The following TAFA5 variants were observed in gnomAD, a reference collection of about 807,000 sequenced individuals.
TAFA5 encodes the protein chemokine-like protein TAFA-5.
A neutral mutation model predicts 15.3 loss-of-function variants in TAFA5; 6 were observed. The ratio of observed to expected loss-of-function variants is 0.39; its 90% confidence interval spans 0.21 to 0.77. TAFA5 has a LOEUF of 0.77. Ranked by LOEUF, TAFA5 falls within the 30% of genes least tolerant of loss-of-function variation. The pLI is 0.41. For synonymous variants in TAFA5, 103 were observed against 80.7 expected, an observed-to-expected ratio of 1.28 and a Z score of -1.48; for missense variants, 161 against 193.1, an observed-to-expected ratio of 0.83 and a Z score of 0.98.
intron 2 of TAFA5, among the ~76,000 whole-genome samples, chr22:48,647,024 G>C (rs1926893241): frequency 1.3e-5 from 2 of 152,180 alleles, no homozygotes; most frequent in African/African-American, 4.8e-5. Flanking sequence ...GCCCAAGGCT[G>C]TGGTTCTCTG....
At chr22:48,610,848 A>G (rs1427030376) in intron 1 of TAFA5, among the ~76,000 whole-genome samples, 1 of 152,008 alleles carries the variant, frequency 6.6e-6, no homozygotes, top group African/African-American at 2.4e-5. Context: ...CCCCTCCCAG[A>G]CTGTGGTGGG....
chr22:48,559,272 C>T (rs574815013), intron 1 of TAFA5, among the ~76,000 whole-genome samples: 38 of 152,322 alleles, frequency 2.5e-4, no homozygotes, highest in African/African-American at 7.9e-4. Flanking sequence ...GGACCCATGG[C>T]GGTCGGGGCT....
intron 3 of TAFA5, among the ~76,000 whole-genome samples, chr22:48,727,854 T>C (rs1419487100): frequency 6.6e-6 from 1 of 152,236 alleles, no homozygotes; most frequent in Non-Finnish European, 1.5e-5. Context: ...GTTTATGCCT[T>C]ACAGTTCAGA....
intron 2 of TAFA5, among the ~76,000 whole-genome samples, chr22:48,680,461 G>T (rs1928146561): frequency 6.8e-6 from 1 of 147,782 alleles, no homozygotes; most frequent in African/African-American, 2.5e-5. Flanking sequence ...CCCACAGCAG[G>T]AGAGAAGGGC....
At chr22:48,618,977 G>A (rs540019704) in intron 1 of TAFA5, among the ~76,000 whole-genome samples, 5 of 152,304 alleles carry the variant, frequency 3.3e-5, no homozygotes, top group African/African-American at 1.2e-4. Context: ...TGAATGTCAG[G>A]GGTTGTTAGA....
rs1289358483 is a variant in TAFA5 at position 48,489,850 on chromosome 22, C to T, written c.112+146C>T. 4.5e-6 allele frequency: 2 copies of T among 439,836 alleles called. No homozygotes were observed. Among genetic ancestry groups the T allele is most frequent in the Non-Finnish European group, 7.7e-6 (2 of 258,160 alleles). The allele number at this position is 439,836 out of a possible 1,614,324, so 27.2% of individuals were successfully genotyped here. On this transcript the variant is annotated intron_variant, in intron 1 of 3. Coordinates refer to ENST00000402357, the MANE Select transcript of TAFA5 (RefSeq NM_001082967.3). The surrounding 1 kb of genome is among the most constrained non-coding windows in gnomAD (Gnocchi z 5.5). ...ATGGTCCCCCGAGTCCCGGCCGGTC[C>T]AACGCTGCGCTGGGCGGGCGAGAGG...
At chr22:48,613,239 A>G (rs1474249051) in intron 1 of TAFA5, among the ~76,000 whole-genome samples, 1 of 152,106 alleles carries the variant, frequency 6.6e-6, no homozygotes, top group Admixed American at 6.5e-5. Flanking sequence ...TCTTCAACAC[A>G]GGTCCTTTCA....
At position 48,707,394 on chromosome 22, in the gene TAFA5, A is replaced by G. The variant is rs549363315; in HGVS notation, c.263-323A>G. ...CTTCTGGCTCTCAAGTGGATTCCAGACAAGAGACAGTGAGGCAGCCACACT... is the reference window on the plus strand; with the variant it reads ...CTTCTGGCTCTCAAGTGGATTCCAGGCAAGAGACAGTGAGGCAGCCACACT... On this transcript the variant is annotated intron_variant, in intron 2 of 3. Coordinates refer to ENST00000402357, the MANE Select transcript of TAFA5 (RefSeq NM_001082967.3). Among the ~76,000 whole-genome samples the G allele has an allele frequency of 1.6e-3, 244 of 152,272 alleles. 2 individuals carry two copies. Among genetic ancestry groups the G allele is most frequent in the Non-Finnish European group, 2.4e-3 (160 of 68,018 alleles).
intron 1 of TAFA5, among the ~76,000 whole-genome samples, chr22:48,644,787 G>A (rs867869751): frequency 6.6e-6 from 1 of 152,168 alleles, no homozygotes; most frequent in Non-Finnish European, 1.5e-5. Context: ...GAGAGCACCC[G>A]GGCATTGCCT....
intron 1 of TAFA5, among the ~76,000 whole-genome samples, chr22:48,601,367 C>T (rs542644452): frequency 1.3e-5 from 2 of 151,836 alleles, no homozygotes; most frequent in Non-Finnish European, 2.9e-5. Flanking sequence ...GCTCTTGTTG[C>T]CCAGACTGGA....
At chr22:48,491,865 G>A (rs2147090646) in intron 1 of TAFA5, among the ~76,000 whole-genome samples, 1 of 152,316 alleles carries the variant, frequency 6.6e-6, no homozygotes, top group Non-Finnish European at 1.5e-5. Context: ...CCTCCCCAGC[G>A]TTCTGGAAAC....
At position 48,750,269 on chromosome 22, in the gene TAFA5, G is replaced by T; in HGVS notation, c.*422G>T. 4.2e-6 allele frequency: 1 copy of T among 238,826 alleles called. No individual in the cohort carries two copies. 14.8% of individuals were successfully genotyped at this position (238,826 alleles called of 1,614,324 possible). A position where few individuals can be genotyped will look rare whatever the true frequency, so the allele number is the denominator to read the frequency against. Reference sequence around the variant, plus strand: ...AGGCACAGAAGCGGCCTCCTCCCGTGCCCCAGACTGTCCGAATTGCTTTTA... The same window carrying T: ...AGGCACAGAAGCGGCCTCCTCCCGTTCCCCAGACTGTCCGAATTGCTTTTA... On this transcript the variant is annotated 3_prime_UTR_variant, in exon 4 of 4. Coordinates refer to ENST00000402357, the MANE Select transcript of TAFA5 (RefSeq NM_001082967.3).
At chr22:48,524,287 T>G (rs553695556) in intron 1 of TAFA5, among the ~76,000 whole-genome samples, 2 of 152,308 alleles carry the variant, frequency 1.3e-5, no homozygotes, top group South Asian at 4.1e-4. Context: ...TCTGCTGGGC[T>G]GCGCCTTTGG....
intron 1 of TAFA5, among the ~76,000 whole-genome samples, chr22:48,610,303 C>T (rs773406566): frequency 1.3e-5 from 2 of 152,220 alleles, no homozygotes; most frequent in Non-Finnish European, 2.9e-5. Context: ...TTGCCCGTTG[C>T]TCGTGATTCT....
At chr22:48,749,679 T>G (rs955576135) in intron 3 of TAFA5, among the ~76,000 whole-genome samples, 160 bp from the exon 4 acceptor site, 5 of 152,084 alleles carry the variant, frequency 3.3e-5, no homozygotes, top group African/African-American at 1.2e-4. Flanking sequence ...CACTGTCTGG[T>G]GGCCTGGATG....
At position 48,657,411 on chromosome 22, in the gene TAFA5, A is replaced by G. The variant is rs970467648; in HGVS notation, c.262+10665A>G. Among the ~76,000 whole-genome samples the G allele has an allele frequency of 1.5e-4, 23 of 152,364 alleles. 2 individuals are homozygous for G. The highest frequency in any genetic ancestry group is 1.2e-3 in the Admixed American group (19 of 15,308). On this transcript the variant is annotated intron_variant, in intron 2 of 3. Coordinates refer to ENST00000402357, the MANE Select transcript of TAFA5 (RefSeq NM_001082967.3). ...CAAAACTTCCCAACAAGAAAAGCCC[A>G]GGACCAGATGGCTTCACTGGTGAAT...
chr22:48,598,363 CAT>C lies in TAFA5; in HGVS notation c.113-48233_113-48232del, dbSNP rs927030748. ...GCACTGTGGCTCCGTCAAGTTGACA[CAT>C]GTTACCCATCACTTGGAGGTTATTT... On this transcript the variant is annotated intron_variant, in intron 1 of 3. Coordinates refer to ENST00000402357, the MANE Select transcript of TAFA5 (RefSeq NM_001082967.3). This position sits in a 1 kb window ranked among gnomAD's most constrained non-coding sequence, Gnocchi z 4.0. 1.4e-4 allele frequency among the ~76,000 whole-genome samples: 21 copies of C among 152,294 alleles called. No homozygotes were observed. Among genetic ancestry groups the C allele is most frequent in the East Asian group, 7.7e-4 (4 of 5,182 alleles).
At chr22:48,659,400 G>T (rs1311840082) in intron 2 of TAFA5, among the ~76,000 whole-genome samples, 1 of 152,242 alleles carries the variant, frequency 6.6e-6, no homozygotes, top group African/African-American at 2.4e-5. Flanking sequence ...AGGCAGAGAG[G>T]CTGGACCTCA....
At chr22:48,511,235 C>T (rs571746664) in intron 1 of TAFA5, among the ~76,000 whole-genome samples, 267 of 152,318 alleles carry the variant, frequency 1.8e-3, no homozygotes, top group Non-Finnish European at 2.8e-3. Flanking sequence ...AGGCCCTGGT[C>T]ACCACCTGCC....
Sources: allele counts gnomAD v4.1 joint callset (sites outside exome capture counted in the v4.1 genomes callset), GRCh38; gene constraint gnomAD v4.1.1; non-coding constraint Gnocchi (gnomAD v3.1); transcripts MANE v1.5; gene names NCBI Gene and HGNC (gene_info 2026-07-23, HGNC 2026-07-21).